GALNT16: variants seen among roughly 807,000 people sequenced by gnomAD.
GALNT16 encodes UDP-GalNAc:polypeptide N-acetylgalactosaminyltransferase-like protein 1.
GALNT16 carries 40 observed loss-of-function variants against 76.1 expected under a neutral mutation model. That is an observed-to-expected ratio of 0.53 (90% CI 0.41 to 0.68). GALNT16 has a LOEUF of 0.68. GALNT16 is among the 30% of genes least tolerant of loss of function. The pLI is 0.00. For synonymous variants in GALNT16, 276 were observed against 285.2 expected (o/e 0.97, Z 0.32); for missense variants, 621 against 731.9 (o/e 0.85, Z 1.75).
At chr14:69,334,409 C>T (rs1454808770) in intron 9 of GALNT16, among the ~76,000 whole-genome samples, 1 of 152,214 alleles carries the variant, frequency 6.6e-6, no homozygotes, top group Non-Finnish European at 1.5e-5. Context: ...CTTTGAACCT[C>T]AGTTTCTTCA....
Position 69,333,416 on chromosome 14 carries a change from G to A in GALNT16, c.864-81G>A. On this transcript the variant is annotated intron_variant, in intron 8 of 14. Transcript: ENST00000448469. The surrounding 1 kb of genome is among the most constrained non-coding windows in gnomAD (Gnocchi z 4.2). ...TGCAGGGAGGGATCTAGAGGCAGACGGTCTTGGGTCCTGGGGCCATCTAAA... is the reference window on the plus strand; with the variant it reads ...TGCAGGGAGGGATCTAGAGGCAGACAGTCTTGGGTCCTGGGGCCATCTAAA... 4.7e-6 allele frequency: 4 copies of A among 844,220 alleles called. No homozygotes were observed. The highest frequency in any genetic ancestry group is 2.4e-5 in the East Asian group (1 of 40,976). 52.3% of individuals were successfully genotyped at this position (844,220 alleles called of 1,614,324 possible).
Position 69,333,034 on chromosome 14 carries a change from C to T in GALNT16, c.779-51C>T, listed in dbSNP as rs376732917. 2.4e-5 allele frequency: 31 copies of T among 1,316,226 alleles called. No homozygotes were observed. The African/African-American group carries it at 2.6e-4, about 11-fold the overall frequency. 81.5% of individuals were successfully genotyped at this position (1,316,226 alleles called of 1,614,324 possible). ...GGGGTGGTGGAGTGAAGGGTCTCAG[C>T]AGCCCGCAGCTCTGCCCTGAGCTCT... On this transcript the variant is annotated intron_variant, in intron 7 of 14. Transcript: ENST00000448469. This position sits in a 1 kb window ranked among gnomAD's most constrained non-coding sequence, Gnocchi z 4.2.
At chr14:69,305,169 C>CTTTT (rs554703143) in intron 1 of GALNT16, among the ~76,000 whole-genome samples, 1 of 127,306 alleles carries the variant, frequency 7.9e-6, no homozygotes, top group Non-Finnish European at 1.7e-5. Context: ...CGACAAGTAT[C>CTTTT]TTTTTTTTTT....
downstream of GALNT16, chr14:69,358,746 C>CGGTGGA (rs1482229473): frequency 6.6e-6 from 1 of 152,308 alleles, no homozygotes; most frequent in African/African-American, 2.4e-5. Flanking sequence ...ATACTGAACA[C>CGGTGGA]CTGCCCCACA....
rs370618730 is a variant in GALNT16 at position 69,295,596 on chromosome 14, T to G, written c.178-25115T>G. ...TTAGCCAGGCATGGTGGCACGTGCC[T>G]GCAGTCCCAGCTACATGAGAGACTG... On this transcript the variant is annotated intron_variant, in intron 1 of 14. Transcript: ENST00000448469. 2.1e-4 allele frequency among the ~76,000 whole-genome samples: 32 copies of G among 152,150 alleles called. No homozygotes were observed. In the South Asian group the frequency reaches 6.4e-3, roughly 31 times the overall value.
At chr14:69,299,291 A>G (rs2044813665) in intron 1 of GALNT16, among the ~76,000 whole-genome samples, 1 of 152,158 alleles carries the variant, frequency 6.6e-6, no homozygotes, top group Non-Finnish European at 1.5e-5. Flanking sequence ...ATTGTTTGTC[A>G]AGGCTGTTCT....
At chr14:69,362,370 C>A in the GALNT16 span, among the ~76,000 whole-genome samples, 4 of 152,368 alleles carry the variant, frequency 2.6e-5, no homozygotes, top group East Asian at 7.7e-4. Flanking sequence ...GAGGTGGAGG[C>A]TCCAGGGTGC....
intron 12 of GALNT16, among the ~76,000 whole-genome samples, chr14:69,343,506 C>A (rs1419320097): frequency 6.6e-6 from 1 of 152,208 alleles, no homozygotes; most frequent in Admixed American, 6.5e-5. Flanking sequence ...GCCTAGATAA[C>A]CCCAGCTCCC....
Position 69,307,373 on chromosome 14 carries a change from G to A in GALNT16, c.178-13338G>A, listed in dbSNP as rs1223507387. Among the ~76,000 whole-genome samples, 4 of 152,216 alleles carry A rather than the reference G, an allele frequency of 2.6e-5. No individual in the cohort carries two copies. The East Asian group carries it at 7.7e-4, about 29-fold the overall frequency. On this transcript the variant is annotated intron_variant, in intron 1 of 14. Coordinates refer to ENST00000448469, the MANE Select transcript of GALNT16 (RefSeq NM_001168368.2). ...CTTGTCCAGAGACCTAGTCCTCACT[G>A]TTTCAGCATTTGCTCCATGATCTGC...
intron 12 of GALNT16, 60 bp downstream of exon 12, chr14:69,341,824 G>T (rs755180957): frequency 8.9e-6 from 10 of 1,123,494 alleles, no homozygotes; most frequent in Non-Finnish European, 1.1e-5. Flanking sequence ...TGGGGCCAGC[G>T]GCTTTGGTCC....
intron 12 of GALNT16, among the ~76,000 whole-genome samples, chr14:69,342,859 T>C (rs2045512665): frequency 6.6e-6 from 1 of 152,174 alleles, no homozygotes; most frequent in Non-Finnish European, 1.5e-5. Context: ...CCAGGGAGAC[T>C]TTCCCTGAAC....
chr14:69,371,316 C>A, the GALNT16 span, among the ~76,000 whole-genome samples: 19,038 of 151,810 alleles, frequency 0.13, 1,319 homozygotes, highest in East Asian at 0.18. Flanking sequence ...TGCAGTGGTG[C>A]GATCTCAGCT....
At position 69,353,866 on chromosome 14, in the gene GALNT16, C is replaced by T. The variant is rs564765532; in HGVS notation, c.*1698C>T. The T allele has an allele frequency of 6.6e-6, 1 of 152,596 alleles. No homozygotes were observed. Among genetic ancestry groups the T allele is most frequent in the East Asian group, 1.9e-4 (1 of 5,178 alleles). The allele number at this position is 152,596 out of a possible 1,614,324, so 9.5% of individuals were successfully genotyped here. A position where few individuals can be genotyped will look rare whatever the true frequency, so the allele number is the denominator to read the frequency against. The stretch of plus-strand genomic sequence containing the variant: ...CGTGCTCAAACTGCCATCGCCTGCT[C>T]CCTCCACACGGCCCTTGGGGTCAGC... On this transcript the variant is annotated 3_prime_UTR_variant, in exon 15 of 15. Transcript: ENST00000448469.
intron 1 of GALNT16, among the ~76,000 whole-genome samples, chr14:69,260,820 GC>G (rs1479917129): frequency 6.6e-6 from 1 of 152,020 alleles, no homozygotes; most frequent in Non-Finnish European, 1.5e-5. Context: ...CCGGAAGGCT[GC>G]CGGGCCCAGC....
chr14:69,364,831 G>A, the GALNT16 span, among the ~76,000 whole-genome samples: 1 of 152,184 alleles, frequency 6.6e-6, no homozygotes, highest in African/African-American at 2.4e-5. This position sits in a 1 kb window ranked among gnomAD's most constrained non-coding sequence, Gnocchi z 4.2. Flanking sequence ...AGGGGAGCAG[G>A]TGGCTGAGTG....
chr14:69,376,063 G>C, the GALNT16 span, among the ~76,000 whole-genome samples: 1 of 151,540 alleles, frequency 6.6e-6, no homozygotes, highest in Non-Finnish European at 1.5e-5. Flanking sequence ...TTGAGATACT[G>C]TCTCACTCTG....
At position 69,347,843 on chromosome 14, in the gene GALNT16, T is replaced by G. The variant is rs371265214; in HGVS notation, c.1414-34T>G. On this transcript the variant is annotated intron_variant, in intron 13 of 14. Transcript: ENST00000448469. ...CCATCTCTCCACCCATCGCTGTACT[T>G]TTTGACTTGGCCTTTCTGCTCCCTG... is the stretch of plus-strand genomic sequence containing the variant. 2.8e-4 allele frequency: 458 copies of G among 1,609,526 alleles called. 9 individuals carry two copies. In the South Asian group the frequency reaches 4.4e-3, roughly 15 times the overall value.
chr14:69,322,087 G>T (rs185526561), intron 2 of GALNT16, among the ~76,000 whole-genome samples: 1 of 152,368 alleles, frequency 6.6e-6, no homozygotes, highest in Admixed American at 6.5e-5. Flanking sequence ...TGCAAGGTGA[G>T]ATGAACACAG....
intron 1 of GALNT16, among the ~76,000 whole-genome samples, chr14:69,274,577 G>T (rs929117251): frequency 1.3e-5 from 2 of 152,120 alleles, no homozygotes; most frequent in African/African-American, 2.4e-5. Context: ...GCCTCCTGTG[G>T]GAGGCCTTCG....
Sources: gnomAD v4.1 joint callset for allele counts (sites outside exome capture counted in the v4.1 genomes callset) on GRCh38, gnomAD v4.1.1 for gene constraint, Gnocchi (gnomAD v3.1) non-coding constraint, MANE v1.5 for transcripts, NCBI Gene and HGNC (gene_info 2026-07-23, HGNC 2026-07-21) for gene names.